Variants in LCK observed in about 807,000 individuals in gnomAD.
The protein encoded by LCK is LCK proto-oncogene, Src family tyrosine kinase, also known as tyrosine-protein kinase Lck.
In LCK, 14 loss-of-function variants were observed where a neutral mutation model predicts 64.6. The observed-to-expected ratio is 0.22, with a 90% CI of 0.14 to 0.34. LCK has a LOEUF of 0.34. Ranked by LOEUF, LCK falls within the 10% of genes least tolerant of loss-of-function variation. The pLI is 1.00. For synonymous variants in LCK, 277 were observed against 263.6 expected (o/e 1.05, Z -0.49); for missense variants, 434 against 668.1 (o/e 0.65, Z 3.86).
At position 32,282,479 on chromosome 1, in the gene LCK, TC is replaced by T. The variant is rs1386244664; in HGVS notation, c.1327+2271del. Among the ~76,000 whole-genome samples, 4 of 152,182 alleles carry T rather than the reference TC, an allele frequency of 2.6e-5. No homozygotes were observed. In the East Asian group the frequency reaches 7.7e-4, roughly 29 times the overall value. On this transcript the variant is annotated intron_variant, in intron 12 of 12. Coordinates refer to ENST00000336890, the MANE Select transcript of LCK (RefSeq NM_005356.5). ...GGAGTTTTAGGAAAATCTGTTCATT[TC>T]CATTTATTGGCGATTGATTCAAATT...
Position 32,276,117 on chromosome 1 carries a change from C to T in LCK, c.631+54C>T, listed in dbSNP as rs761643794. ...CCCTATCAGCCTATCTCCCCTCAGT[C>T]CCCCTCAGGTGTCCCCCATCCATCT... On this transcript the variant is annotated intron_variant, in intron 7 of 12. Transcript: ENST00000336890. This position sits in a 1 kb window ranked among gnomAD's most constrained non-coding sequence, Gnocchi z 4.6. 1.3e-6 allele frequency: 2 copies of T among 1,591,326 alleles called. No homozygotes were observed. Among genetic ancestry groups the T allele is most frequent in the East Asian group, 2.2e-5 (1 of 44,706 alleles).
chr1:32,279,627 C>T, intron 9 of LCK, 44 bp from the exon 10 acceptor site: 2 of 1,613,786 alleles, frequency 1.2e-6, no homozygotes, highest in Non-Finnish European at 1.7e-6. Context: ...TGGGGGCCTC[C>T]CCCTGGGGCA....
Position 32,275,630 on chromosome 1 carries a change from A to G in LCK, c.439A>G (p.Thr147Ala). The G allele has an allele frequency of 6.4e-7, 1 of 1,572,582 alleles. No individual in the cohort carries two copies. Among genetic ancestry groups the G allele is most frequent in the Non-Finnish European group, 8.6e-7 (1 of 1,159,564 alleles). Reference sequence around the variant, plus strand: ...GCGGCAGCTCCTGGCGCCCGGGAACACTCACGGCTCCTTCCTCATCCGGGA... The same window carrying G: ...GCGGCAGCTCCTGGCGCCCGGGAACGCTCACGGCTCCTTCCTCATCCGGGA... ...AERQLLAPGN[T>A]HGSFLIRESE... Residue 147 changes from threonine (T) to alanine (A), a missense_variant, in exon 6 of 13, where the codon ACT becomes GCT. Coordinates refer to ENST00000336890, the MANE Select transcript of LCK (RefSeq NM_005356.5). This position sits in a 1 kb window ranked among gnomAD's most constrained non-coding sequence, Gnocchi z 6.9.
intron 12 of LCK, among the ~76,000 whole-genome samples, chr1:32,284,038 G>A (rs1276820718): frequency 6.6e-6 from 1 of 151,590 alleles, no homozygotes. Flanking sequence ...GTGCCACCAC[G>A]CCCAGCTAAT....
chr1:32,273,294 G>T (rs937400928), intron 1 of LCK, among the ~76,000 whole-genome samples: 1 of 150,328 alleles, frequency 6.7e-6, no homozygotes, highest in Non-Finnish European at 1.5e-5. Flanking sequence ...GTGTGTTTAT[G>T]TGAAAGTGTG....
chr1:32,276,011 C>T lies in LCK; in HGVS notation c.579C>T (p.Ile193=). 1 of 1,614,154 alleles carries T rather than the reference C, an allele frequency of 6.2e-7. No individual in the cohort carries two copies. The highest frequency in any genetic ancestry group is 8.5e-7 in the Non-Finnish European group (1 of 1,180,002). The change falls in exon 7 of 13, where the codon ATC becomes ATT. Residue 193 remains isoleucine, a synonymous_variant. Coordinates refer to ENST00000336890, the MANE Select transcript of LCK (RefSeq NM_005356.5). This position sits in a 1 kb window ranked among gnomAD's most constrained non-coding sequence, Gnocchi z 4.6. ...ATCTGGACAACGGTGGCTTCTACAT[C>T]TCCCCTCGAATCACTTTTCCCGGCC... ...IRNLDNGGFY[I]SPRITFPGLH...
chr1:32,261,653 A>C (rs1430527535), intron 1 of LCK, among the ~76,000 whole-genome samples: 3 of 94,122 alleles, frequency 3.2e-5, no homozygotes, highest in African/African-American at 1.0e-4. Context: ...CCTCTGTCTC[A>C]AAAAAAAAAA....
chr1:32,267,358 T>A (rs769800150), intron 1 of LCK, among the ~76,000 whole-genome samples: 1 of 152,214 alleles, frequency 6.6e-6, no homozygotes, highest in East Asian at 1.9e-4. Flanking sequence ...TAATAGGTCA[T>A]GTTTGTTTAA....
intron 1 of LCK, among the ~76,000 whole-genome samples, chr1:32,256,127 A>AATTT (rs761726513): frequency 4.6e-5 from 7 of 151,568 alleles, no homozygotes; most frequent in South Asian, 2.1e-4. Flanking sequence ...ATAACAATAC[A>AATTT]ATTTATTTAT....
intron 1 of LCK, among the ~76,000 whole-genome samples, chr1:32,254,395 CTG>C (rs1639579889): frequency 6.6e-6 from 1 of 152,186 alleles, no homozygotes; most frequent in Admixed American, 6.5e-5. Context: ...TGGTGCATGT[CTG>C]TAAACCTCCA....
intron 9 of LCK, among the ~76,000 whole-genome samples, chr1:32,277,587 C>T (rs1223031812): frequency 6.6e-6 from 1 of 152,132 alleles, no homozygotes; most frequent in Non-Finnish European, 1.5e-5. Flanking sequence ...CTAGCTTCAG[C>T]TTTGTTCACA....
At chr1:32,254,874 C>A (rs1485565030) in intron 1 of LCK, among the ~76,000 whole-genome samples, 1 of 152,122 alleles carries the variant, frequency 6.6e-6, no homozygotes, top group Non-Finnish European at 1.5e-5. Context: ...ACAGGCCAGG[C>A]ACAGTGGCTC....
intron 11 of LCK, 27 bp from the exon 12 acceptor site, chr1:32,280,052 G>A: frequency 6.2e-7 from 1 of 1,614,114 alleles, no homozygotes; most frequent in South Asian, 1.1e-5. Flanking sequence ...AGCAGACCCA[G>A]GTGACCTCAC....
chr1:32,283,749 G>T (rs1298403756), intron 12 of LCK, among the ~76,000 whole-genome samples: 1 of 152,126 alleles, frequency 6.6e-6, no homozygotes, highest in Non-Finnish European at 1.5e-5. Flanking sequence ...CGTGATGCAG[G>T]ATGTCATGTG....
In LCK at chr1:32,269,110, T is replaced by TA. The variant is rs539681482; in HGVS notation, c.-5-5199dup. Among the ~76,000 whole-genome samples the TA allele has an allele frequency of 2.6e-3, 260 of 99,532 alleles. 1 individual carries two copies. The highest frequency in any genetic ancestry group is 7.8e-3 in the Middle Eastern group (1 of 128). The allele number at this position is 99,532 out of a possible 152,430, so 65.3% of individuals were successfully genotyped here. On this transcript the variant is annotated intron_variant, in intron 1 of 12. Coordinates refer to ENST00000336890, the MANE Select transcript of LCK (RefSeq NM_005356.5). ...TCCAGCCTGGGCAACAGAGCAAGTC[T>TA]AAAAAAAAAAAAAAAAGGAAAGAGA...
At chr1:32,273,993 T>G in intron 1 of LCK, 1 of 382,038 alleles carries the variant, frequency 2.6e-6, no homozygotes, top group Non-Finnish European at 4.9e-6. Flanking sequence ...CAACACAGGG[T>G]ACTGGCAGAG....
chr1:32,280,882 G>T (rs1443393233), intron 12 of LCK, among the ~76,000 whole-genome samples: 1 of 152,170 alleles, frequency 6.6e-6, no homozygotes, highest in African/African-American at 2.4e-5. Context: ...GCTTTGTTCA[G>T]ATCATTACTG....
chr1:32,268,192 T>G (rs1272050307), intron 1 of LCK, among the ~76,000 whole-genome samples: 1 of 151,156 alleles, frequency 6.6e-6, no homozygotes, highest in Non-Finnish European at 1.5e-5. Flanking sequence ...AGACTCTGTC[T>G]CAAAAAAAAT....
chr1:32,258,304 A>C (rs1639677371), intron 1 of LCK, among the ~76,000 whole-genome samples: 1 of 147,594 alleles, frequency 6.8e-6, no homozygotes, highest in South Asian at 2.1e-4. Flanking sequence ...AAAAAAAAAG[A>C]GAGAGAGCGG....
Sources: allele counts gnomAD v4.1 joint callset (sites outside exome capture counted in the v4.1 genomes callset), GRCh38; gene constraint gnomAD v4.1.1; non-coding constraint Gnocchi (gnomAD v3.1); transcripts MANE v1.5; gene names NCBI Gene and HGNC (gene_info 2026-07-23, HGNC 2026-07-21).